Variants in NAT1 observed in about 807,000 individuals in gnomAD.
The protein encoded by NAT1 is N-acetyltransferase 1.
For synonymous variants in NAT1, 144 were observed against 122.6 expected (o/e 1.17, Z -1.16); for missense variants, 400 against 339.2 (o/e 1.18, Z -1.41).
In NAT1 at chr8:18,222,243, G is replaced by A. The variant is rs760682628; in HGVS notation, c.196G>A (p.Gly66Arg). ...TCAAGTTGTGAGAAGAAATCGGGGT[G>A]GATGGTGTCTCCAGGTCAATCATCT... ...FDQVVRRNRG[G>R]WCLQVNHLLY... Residue 66 changes from glycine to arginine, a missense_variant, in exon 3 of 3, where the codon GGA becomes AGA. Gly to Arg is a moderately radical substitution (Grantham distance 125). Transcript: ENST00000307719. 1.2e-6 allele frequency: 2 copies of A among 1,614,080 alleles called. No homozygotes were observed. Among genetic ancestry groups the A allele is most frequent in the Non-Finnish European group, 1.7e-6 (2 of 1,180,000 alleles).
At chr8:18,202,851 G>T (rs945351823) in intron 2 of NAT1, among the ~76,000 whole-genome samples, 1 of 152,164 alleles carries the variant, frequency 6.6e-6, no homozygotes, top group Non-Finnish European at 1.5e-5. Context: ...GGTTGCCACT[G>T]CTGGCTTGGG....
chr8:18,172,022 T>C (rs1283616350), intron 2 of NAT1, among the ~76,000 whole-genome samples: 2 of 152,226 alleles, frequency 1.3e-5, no homozygotes, highest in Non-Finnish European at 2.9e-5. Flanking sequence ...ATTCTTCTTT[T>C]GTCTTCTAAG....
intron 2 of NAT1, among the ~76,000 whole-genome samples, chr8:18,171,798 AAACAGTATTAACTTATAGCCTGC>A (rs1802107473): frequency 6.6e-6 from 1 of 152,182 alleles, no homozygotes; most frequent in African/African-American, 2.4e-5. Flanking sequence ...TTAGGGACTG[AAACAGTATTAACTTATAGCCTGC>A]AATTAGACCC....
chr8:18,184,779 T>C (rs1309823520), intron 2 of NAT1, among the ~76,000 whole-genome samples: 1 of 152,190 alleles, frequency 6.6e-6, no homozygotes, highest in Non-Finnish European at 1.5e-5. Flanking sequence ...GAGTGGGCTT[T>C]CTCTCTTGGC....
intron 1 of NAT1, chr8:18,212,863 A>C (rs1200942098): frequency 6.6e-6 from 1 of 151,916 alleles, no homozygotes; most frequent in Admixed American, 6.6e-5. Context: ...TACCCTGAGC[A>C]GGCTCTATTT....
At chr8:18,198,823 G>C (rs368579281) in intron 2 of NAT1, among the ~76,000 whole-genome samples, 2 of 152,260 alleles carry the variant, frequency 1.3e-5, no homozygotes, top group African/African-American at 4.8e-5. Context: ...TGCCTTTTTG[G>C]TGATGGAAGC....
At chr8:18,217,346 T>G (rs1004612901) in intron 1 of NAT1, among the ~76,000 whole-genome samples, 1 of 152,242 alleles carries the variant, frequency 6.6e-6, no homozygotes, top group African/African-American at 2.4e-5. Context: ...CCCCAAATAC[T>G]TAACTTCCGG....
upstream of NAT1, among the ~76,000 whole-genome samples, chr8:18,206,016 T>C (rs1297495681): frequency 6.6e-6 from 1 of 152,222 alleles, no homozygotes. Context: ...TCCCTGGCCC[T>C]GCTCTGCTAC....
intron 2 of NAT1, among the ~76,000 whole-genome samples, chr8:18,221,296 G>GTT (rs534090137): frequency 6.8e-5 from 9 of 131,486 alleles, no homozygotes; most frequent in Non-Finnish European, 1.3e-4. Flanking sequence ...CTTAGCGAGT[G>GTT]TTTTTTTTTT....
chr8:18,206,133 G>A (rs4581095), upstream of NAT1, among the ~76,000 whole-genome samples: 7 of 152,182 alleles, frequency 4.6e-5, no homozygotes, highest in African/African-American at 1.7e-4. Flanking sequence ...GGTGGCTGAA[G>A]GGTCTCCTTC....
At position 18,172,049 on chromosome 8, in the gene NAT1, G is replaced by T. The variant is rs75369113; in HGVS notation, n.92+1310G>T. 5.6e-3 allele frequency among the ~76,000 whole-genome samples: 857 copies of T among 152,242 alleles called. 7 individuals carry two copies. The highest frequency in any genetic ancestry group is 0.02 in the African/African-American group (818 of 41,540). Reference sequence around the variant, plus strand: ...TCTTCTAAGCATCATTTAAAACACTGAAATATACTTAATCCTCCTGCTCTA... The same window carrying T: ...TCTTCTAAGCATCATTTAAAACACTTAAATATACTTAATCCTCCTGCTCTA... On this transcript the variant is annotated intron_variant and non_coding_transcript_variant, in intron 2 of 4. Coordinates refer to the NAT1 transcript ENST00000517441.
intron 2 of NAT1, among the ~76,000 whole-genome samples, chr8:18,197,917 T>C (rs1188278576): frequency 6.6e-6 from 1 of 151,260 alleles, no homozygotes; most frequent in Non-Finnish European, 1.5e-5. Context: ...GATGTTGAAA[T>C]TATTTTTAGG....
At chr8:18,183,653 G>T (rs1802609545) in intron 2 of NAT1, among the ~76,000 whole-genome samples, 1 of 152,166 alleles carries the variant, frequency 6.6e-6, no homozygotes. Context: ...CTGAAGCATG[G>T]TTCATCCTGA....
At chr8:18,181,539 A>G (rs948176393) in intron 2 of NAT1, among the ~76,000 whole-genome samples, 1 of 152,142 alleles carries the variant, frequency 6.6e-6, no homozygotes, top group African/African-American at 2.4e-5. Context: ...CTTTCTTTCC[A>G]GTTGAGATGC....
rs939472997 is a variant in NAT1, at chr8:18,213,118, G to C, written c.-86+2938G>C. ...TAGAGATGGGGGTTTCACCGTGTTG[G>C]CCAGGCTGGTCTCGAACTCCTGACC... is the stretch of plus-strand genomic sequence containing the variant. On this transcript the variant is annotated intron_variant, in intron 1 of 2. Coordinates refer to ENST00000307719, the MANE Select transcript of NAT1 (RefSeq NM_000662.8). Among the ~76,000 whole-genome samples the C allele has an allele frequency of 4.0e-5, 6 of 149,552 alleles. No homozygotes were observed. The South Asian group carries it at 1.3e-3, about 32-fold the overall frequency.
At chr8:18,181,814 G>A (rs1007270545) in intron 2 of NAT1, among the ~76,000 whole-genome samples, 1 of 152,046 alleles carries the variant, frequency 6.6e-6, no homozygotes, top group Non-Finnish European at 1.5e-5. Context: ...AAATGTTTCC[G>A]CTTCAGTCAG....
intron 2 of NAT1, among the ~76,000 whole-genome samples, chr8:18,198,910 A>G (rs1357096321): frequency 6.6e-6 from 1 of 152,130 alleles, no homozygotes; most frequent in East Asian, 1.9e-4. Context: ...TCTGAGCTCT[A>G]TGTTCAGAAG....
intron 2 of NAT1, among the ~76,000 whole-genome samples, chr8:18,183,198 C>G (rs1375496318): frequency 6.6e-6 from 1 of 152,130 alleles, no homozygotes; most frequent in East Asian, 1.9e-4. Context: ...TCTTGAAAGC[C>G]CTTTTTACGA....
intron 2 of NAT1, among the ~76,000 whole-genome samples, chr8:18,177,730 C>A (rs1802342545): frequency 6.6e-6 from 1 of 152,096 alleles, no homozygotes; most frequent in Non-Finnish European, 1.5e-5. Flanking sequence ...TAGCTGGAAT[C>A]AGAAGAATAG....
Sources: gnomAD v4.1 joint callset for allele counts (sites outside exome capture counted in the v4.1 genomes callset) on GRCh38, gnomAD v4.1.1 for gene constraint, MANE v1.5 for transcripts, NCBI Gene and HGNC (gene_info 2026-07-23, HGNC 2026-07-21) for gene names.